Variants in PPP1R14D observed in about 807,000 individuals in gnomAD.
PPP1R14D encodes protein phosphatase 1 regulatory inhibitor subunit 14D, also known as protein phosphatase 1 regulatory subunit 14D.
A neutral mutation model predicts 17.1 loss-of-function variants in PPP1R14D; 14 were observed. The observed-to-expected ratio is 0.82, with a 90% CI of 0.54 to 1.28. The LOEUF (loss-of-function observed/expected upper bound fraction) is 1.28. Among genes scored for constraint, PPP1R14D ranks in the 50% most tolerant of loss-of-function variants. The pLI is 0.00. For missense variants in PPP1R14D, 173 were observed against 179.2 expected (o/e 0.97, Z 0.20); for synonymous variants, 67 against 66.1 (o/e 1.01, Z -0.06).
chr15:40,820,592 C>T (rs1890758842), intron 1 of PPP1R14D, among the ~76,000 whole-genome samples: 1 of 151,936 alleles, frequency 6.6e-6, no homozygotes, highest in Non-Finnish European at 1.5e-5. Context: ...GTGGCTCACG[C>T]CTATAATCCC....
At position 40,828,596 on chromosome 15, in the gene PPP1R14D, C is replaced by T. The variant is rs377211077; in HGVS notation, c.46G>A (p.Gly16Arg). ...PASCTSPSPDGENPCKKVHWA... is the reference protein window; with the variant it reads ...PASCTSPSPDRENPCKKVHWA... ...TGGACCTTCTTACATGGGTTCTCCC[C>T]ATCTGGGCTGGGAGATGTGCAGGAA... is the stretch of plus-strand genomic sequence containing the variant. The change falls in exon 1 of 4, where the codon GGG (glycine) becomes AGG (arginine). Residue 16 changes from glycine to arginine, a missense_variant. Transcript: ENST00000299174. 1.9e-6 allele frequency: 3 copies of T among 1,614,062 alleles called. No homozygotes were observed. Among genetic ancestry groups the T allele is most frequent in the Admixed American group, 3.3e-5 (2 of 59,998 alleles).
intron 1 of PPP1R14D, among the ~76,000 whole-genome samples, chr15:40,822,253 G>C (rs1322818101): frequency 1.3e-5 from 2 of 151,924 alleles, no homozygotes; most frequent in Non-Finnish European, 2.9e-5. Flanking sequence ...GGGAGGTCAA[G>C]GCAGGCAGAT....
intron 1 of PPP1R14D, among the ~76,000 whole-genome samples, chr15:40,822,578 C>T (rs1440001089): frequency 2.0e-5 from 3 of 151,822 alleles, no homozygotes; most frequent in Admixed American, 1.3e-4. Context: ...CTCAGCCTCC[C>T]GAGATGCTGG....
intron 1 of PPP1R14D, among the ~76,000 whole-genome samples, chr15:40,818,018 C>T (rs575682456): frequency 5.3e-5 from 8 of 152,196 alleles, no homozygotes; most frequent in African/African-American, 1.2e-4. Flanking sequence ...TGGCTGGGTG[C>T]GGTGGCACAC....
chr15:40,823,741 G>A (rs952892810), intron 1 of PPP1R14D, among the ~76,000 whole-genome samples: 1 of 152,104 alleles, frequency 6.6e-6, no homozygotes, highest in African/African-American at 2.4e-5. Context: ...ATCTAGGTCT[G>A]TGTACATACA....
At chr15:40,818,221 A>G (rs1890707141) in intron 1 of PPP1R14D, among the ~76,000 whole-genome samples, 2 of 146,802 alleles carry the variant, frequency 1.4e-5, no homozygotes, top group African/African-American at 5.0e-5. Context: ...CCCGGGAGGC[A>G]GAGCTTGCAG....
rs1334666351 is a variant in PPP1R14D, at chr15:40,828,655, TG to T, written c.-15del. 6.3e-7 allele frequency: 1 copy of T among 1,591,206 alleles called. No homozygotes were observed. Among genetic ancestry groups the T allele is most frequent in the African/African-American group, 1.3e-5 (1 of 74,262 alleles). On this transcript the variant is annotated 5_prime_UTR_variant, in exon 1 of 4. Coordinates refer to ENST00000299174, the MANE Select transcript of PPP1R14D (RefSeq NM_017726.8). ...TGAAGACAGCATGGAAGTATTGGTC[TG>T]GGCAAGGAGCTGGGAAAAACCGCCA...
At chr15:40,821,567 T>C (rs796997014) in intron 1 of PPP1R14D, among the ~76,000 whole-genome samples, 9 of 152,172 alleles carry the variant, frequency 5.9e-5, no homozygotes, top group African/African-American at 2.2e-4. Context: ...TTCGATGACC[T>C]ATGGATATCA....
chr15:40,816,182 C>A lies in PPP1R14D; in HGVS notation c.327G>T (p.Lys109Asn), dbSNP rs749214374. 5 of 1,614,164 alleles carry A rather than the reference C, an allele frequency of 3.1e-6. No homozygotes were observed. Among genetic ancestry groups the A allele is most frequent in the Non-Finnish European group, 4.2e-6 (5 of 1,180,010 alleles). ...GCCCCCATCCTACCTCCAGCTGAGT[C>A]TTCTGCTCCTCTGTGGATAGATCCA... ...ALMDLSTEEQ[K>N]TQLEAILGNC... is the part of the protein sequence containing the mutation. The change falls in exon 2 of 4, where the codon AAG (lysine) becomes AAT (asparagine). Residue 109 changes from lysine to asparagine, a missense_variant. Physicochemically the swap from Lys to Asn is moderately conservative, Grantham distance 94. Transcript: ENST00000299174.
chr15:40,818,532 C>G (rs1375910351), intron 1 of PPP1R14D, among the ~76,000 whole-genome samples: 1 of 152,110 alleles, frequency 6.6e-6, no homozygotes, highest in Non-Finnish European at 1.5e-5. Flanking sequence ...TGAAGCCAGT[C>G]ACAGTAGCAT....
Position 40,828,583 on chromosome 15 carries a change from CA to C in PPP1R14D, c.58del (p.Cys20ValfsTer38). 6.2e-7 allele frequency: 1 copy of C among 1,614,174 alleles called. No homozygotes were observed. Among genetic ancestry groups the C allele is most frequent in the Non-Finnish European group, 8.5e-7 (1 of 1,180,004 alleles). On this transcript the variant is annotated frameshift_variant, in exon 1 of 4. Coordinates refer to ENST00000299174, the MANE Select transcript of PPP1R14D (RefSeq NM_017726.8). LOFTEE classifies it high-confidence loss of function. ...TSPSPDGENP[C>X]KKVHWASGRR... ...CCCAGAAGCCCAGTGGACCTTCTTA[CA>C]TGGGTTCTCCCCATCTGGGCTGGGA...
chr15:40,825,401 T>C (rs1890854626), intron 1 of PPP1R14D, among the ~76,000 whole-genome samples: 1 of 152,044 alleles, frequency 6.6e-6, no homozygotes, highest in African/African-American at 2.4e-5. Flanking sequence ...AGTCCCTGCT[T>C]AGAAGGCAAA....
Position 40,828,661 on chromosome 15 carries a change from AGGAGCTGGG to A in PPP1R14D, c.-29_-21del. On this transcript the variant is annotated 5_prime_UTR_variant, in exon 1 of 4. Coordinates refer to ENST00000299174, the MANE Select transcript of PPP1R14D (RefSeq NM_017726.8). ...CAGCATGGAAGTATTGGTCTGGGCA[AGGAGCTGGG>A]AAAAACCGCCAGTTCTGAGCAGAGC... 6.3e-7 allele frequency: 1 copy of A among 1,584,444 alleles called. No individual in the cohort carries two copies. The highest frequency in any genetic ancestry group is 1.2e-5 in the South Asian group (1 of 86,188).
rs973809377 is a variant in PPP1R14D, at chr15:40,828,585, T to C, written c.57A>G (p.Pro19=). The change falls in exon 1 of 4, where the codon CCA becomes CCG. Residue 19 remains proline, a synonymous_variant. Coordinates refer to ENST00000299174, the MANE Select transcript of PPP1R14D (RefSeq NM_017726.8). Reference sequence around the variant, plus strand: ...CAGAAGCCCAGTGGACCTTCTTACATGGGTTCTCCCCATCTGGGCTGGGAG... The same window carrying C: ...CAGAAGCCCAGTGGACCTTCTTACACGGGTTCTCCCCATCTGGGCTGGGAG... The part of the protein sequence containing the change: ...CTSPSPDGEN[P]CKKVHWASGR... 2 of 1,614,020 alleles carry C rather than the reference T, an allele frequency of 1.2e-6. No homozygotes were observed. The highest frequency in any genetic ancestry group is 1.7e-5 in the Admixed American group (1 of 60,002).
intron 1 of PPP1R14D, among the ~76,000 whole-genome samples, chr15:40,819,870 T>A (rs1407939811): frequency 6.7e-6 from 1 of 148,232 alleles, no homozygotes; most frequent in African/African-American, 2.5e-5. Flanking sequence ...TATTGCTATT[T>A]TTTTTTTTTT....
At position 40,828,623 on chromosome 15, in the gene PPP1R14D, C is replaced by A; in HGVS notation, c.19G>T (p.Ala7Ser). Reference sequence around the variant, plus strand: ...TCTGGGCTGGGAGATGTGCAGGAAGCAGGGCTTGAAGACAGCATGGAAGTA... The same window carrying A: ...TCTGGGCTGGGAGATGTGCAGGAAGAAGGGCTTGAAGACAGCATGGAAGTA... MLSSSPASCTSPSPDGE... is the reference protein window; with the variant it reads MLSSSPSSCTSPSPDGE... The change falls in exon 1 of 4, where the codon GCT becomes TCT. Residue 7 changes from alanine (A) to serine (S), a missense_variant. Transcript: ENST00000299174. The A allele has an allele frequency of 3.1e-6, 5 of 1,612,394 alleles. No homozygotes were observed. Among genetic ancestry groups the A allele is most frequent in the Non-Finnish European group, 4.2e-6 (5 of 1,179,012 alleles).
At chr15:40,820,577 G>T (rs1890758563) in intron 1 of PPP1R14D, among the ~76,000 whole-genome samples, 1 of 151,994 alleles carries the variant, frequency 6.6e-6, no homozygotes, top group Non-Finnish European at 1.5e-5. Flanking sequence ...ATCAGGCCAG[G>T]TACAGTGGCT....
chr15:40,826,154 A>G (rs1338861649), intron 1 of PPP1R14D, among the ~76,000 whole-genome samples: 1 of 152,168 alleles, frequency 6.6e-6, no homozygotes, highest in African/African-American at 2.4e-5. Flanking sequence ...CCCTACCCTC[A>G]GTGAGTGGGC....
chr15:40,816,099 C>A, intron 2 of PPP1R14D, 71 bp downstream of exon 2: 1 of 1,599,030 alleles, frequency 6.3e-7, no homozygotes, highest in Non-Finnish European at 8.6e-7. Flanking sequence ...CTCTGCACTC[C>A]ACCAAAGGAG....
Sources: gnomAD v4.1 joint callset for allele counts (sites outside exome capture counted in the v4.1 genomes callset) on GRCh38, gnomAD v4.1.1 for gene constraint, MANE v1.5 for transcripts, NCBI Gene and HGNC (gene_info 2026-07-23, HGNC 2026-07-21) for gene names.